KSR2: variants seen among roughly 807,000 people sequenced by gnomAD.
KSR2 encodes the protein kinase suppressor of ras 2.
KSR2 carries 25 observed loss-of-function variants against 107.8 expected under a neutral mutation model. That is an observed-to-expected ratio of 0.23 (90% confidence interval 0.17 to 0.32). KSR2 has a LOEUF of 0.32. Among genes scored for constraint, KSR2 ranks in the 10% least tolerant of loss-of-function variants. The pLI is 1.00. For synonymous variants in KSR2, 480 were observed against 507.0 expected, an observed-to-expected ratio of 0.95 and a Z score of 0.71; for missense variants, 887 against 1,268.9, an observed-to-expected ratio of 0.70 and a Z score of 4.57.
chr12:117,893,773 G>A (rs546888785), intron 1 of KSR2, among the ~76,000 whole-genome samples: 47 of 152,308 alleles, frequency 3.1e-4, no homozygotes, highest in Admixed American at 5.9e-4. Flanking sequence ...ATACGGTAAG[G>A]AGAGTGAGGC....
chr12:117,575,601 T>C (rs572875468), intron 7 of KSR2, among the ~76,000 whole-genome samples: 1 of 152,348 alleles, frequency 6.6e-6, no homozygotes, highest in African/African-American at 2.4e-5. Context: ...GTAGAACACG[T>C]CTCAACTTCA....
intron 3 of KSR2, among the ~76,000 whole-genome samples, chr12:117,843,427 C>T (rs1236038657): frequency 6.6e-6 from 1 of 152,190 alleles, no homozygotes; most frequent in Non-Finnish European, 1.5e-5. Context: ...GCCTCCTCTC[C>T]CAGTCATGGA....
At chr12:117,730,474 C>A (rs1257785583) in intron 4 of KSR2, among the ~76,000 whole-genome samples, 1 of 150,236 alleles carries the variant, frequency 6.7e-6, no homozygotes, top group African/African-American at 2.5e-5. Flanking sequence ...CGTCTCCCCT[C>A]TCCCTCGTCT....
chr12:117,534,354 G>C (rs1875882013), intron 10 of KSR2, among the ~76,000 whole-genome samples: 1 of 152,044 alleles, frequency 6.6e-6, no homozygotes, highest in Admixed American at 6.5e-5. Context: ...TATGGCACTT[G>C]GGCCCCTTCT....
chr12:117,732,031 C>T (rs2121298), intron 4 of KSR2, among the ~76,000 whole-genome samples: 93,872 of 148,968 alleles, frequency 0.63, 29,825 homozygotes, highest in South Asian at 0.69. Flanking sequence ...GAATGATCAA[C>T]AAATACTATT....
At chr12:117,521,230 T>C (rs1874737957) in intron 14 of KSR2, among the ~76,000 whole-genome samples, 2 of 152,312 alleles carry the variant, frequency 1.3e-5, no homozygotes, top group South Asian at 4.1e-4. Flanking sequence ...AGGTACGCCA[T>C]CTTTGAGAAG....
chr12:117,775,280 T>C (rs888009318), intron 3 of KSR2, among the ~76,000 whole-genome samples: 7 of 152,174 alleles, frequency 4.6e-5, no homozygotes, highest in African/African-American at 1.7e-4. Flanking sequence ...CCCAGCAACA[T>C]ATAAAGGTTC....
intron 3 of KSR2, among the ~76,000 whole-genome samples, chr12:117,816,388 A>G (rs1010891908): frequency 5.3e-5 from 8 of 152,184 alleles, no homozygotes; most frequent in African/African-American, 1.9e-4. Context: ...ATCATGGTGC[A>G]GAGACAAACT....
chr12:117,495,772 C>A (rs781136250), intron 14 of KSR2, among the ~76,000 whole-genome samples: 1 of 152,140 alleles, frequency 6.6e-6, no homozygotes, highest in African/African-American at 2.4e-5. Context: ...AGGTCAGAGG[C>A]GGCCGGGCGC....
Position 117,641,002 on chromosome 12 carries a change from C to T in KSR2, c.1171+26472G>A, listed in dbSNP as rs531161159. ...TGCCCCTGATAGACACTGTGTTAGT[C>T]TCCTAGGCTGCTGTAACAAAGTACC... On this transcript the variant is annotated intron_variant, in intron 5 of 19. Transcript: ENST00000339824. Among the ~76,000 whole-genome samples, 14 of 152,342 alleles carry T rather than the reference C, an allele frequency of 9.2e-5. No homozygotes were observed. In the East Asian group the frequency reaches 2.7e-3, roughly 29 times the overall value.
chr12:117,703,384 A>G (rs1157205124), intron 4 of KSR2, among the ~76,000 whole-genome samples: 1 of 152,108 alleles, frequency 6.6e-6, no homozygotes, highest in Non-Finnish European at 1.5e-5. Flanking sequence ...AGACATACCC[A>G]ACCTTGAGAG....
Position 117,893,756 on chromosome 12 carries a change from G to A in KSR2, c.181-33325C>T, listed in dbSNP as rs1027078332. Among the ~76,000 whole-genome samples, 6 of 152,260 alleles carry A rather than the reference G, an allele frequency of 3.9e-5. No individual in the cohort carries two copies. In the East Asian group the frequency reaches 1.2e-3, roughly 29 times the overall value. ...TATCTGGGAGAGAGGTAAAATCAAG[G>A]CCAAGAATACGGTAAGGAGAGTGAG... On this transcript the variant is annotated intron_variant, in intron 1 of 19. Transcript: ENST00000339824.
At chr12:117,595,194 AAC>A (rs1351693865) in intron 5 of KSR2, among the ~76,000 whole-genome samples, 1 of 152,214 alleles carries the variant, frequency 6.6e-6, no homozygotes, top group Non-Finnish European at 1.5e-5. Flanking sequence ...CTTGTAGTCC[AAC>A]ACAGTGACAG....
intron 3 of KSR2, among the ~76,000 whole-genome samples, chr12:117,851,442 G>T (rs919264385): frequency 1.3e-5 from 2 of 152,152 alleles, no homozygotes; most frequent in African/African-American, 4.8e-5. Flanking sequence ...AATTAGACAG[G>T]TGTGGTGGTA....
chr12:117,655,283 C>T (rs1884097865), intron 5 of KSR2, among the ~76,000 whole-genome samples: 1 of 152,218 alleles, frequency 6.6e-6, no homozygotes, highest in South Asian at 2.1e-4. Context: ...AAGGCACTCA[C>T]TTTACAGCTA....
chr12:117,819,654 C>T (rs1482888053), intron 3 of KSR2, among the ~76,000 whole-genome samples: 1 of 151,960 alleles, frequency 6.6e-6, no homozygotes, highest in East Asian at 1.9e-4. Context: ...ATAGGTAATA[C>T]AAAAATATTC....
At chr12:117,513,377 T>A (rs1444159031) in intron 14 of KSR2, among the ~76,000 whole-genome samples, 1 of 152,182 alleles carries the variant, frequency 6.6e-6, no homozygotes, top group East Asian at 1.9e-4. Flanking sequence ...AGGCCAAAGC[T>A]GAGCAGTGAT....
chr12:117,807,316 G>A (rs539227344), intron 3 of KSR2, among the ~76,000 whole-genome samples: 1 of 152,312 alleles, frequency 6.6e-6, no homozygotes, highest in East Asian at 1.9e-4. Flanking sequence ...ACCAGAGTGA[G>A]GGCTTAGATG....
At chr12:117,766,529 T>C (rs1889233556) in intron 3 of KSR2, among the ~76,000 whole-genome samples, 1 of 152,166 alleles carries the variant, frequency 6.6e-6, no homozygotes, top group African/African-American at 2.4e-5. Context: ...TACTTCGAAA[T>C]GATTAATTTT....
Sources: gnomAD v4.1 joint callset for allele counts (sites outside exome capture counted in the v4.1 genomes callset) on GRCh38, gnomAD v4.1.1 for gene constraint, MANE v1.5 for transcripts, NCBI Gene and HGNC (gene_info 2026-07-23, HGNC 2026-07-21) for gene names.